The following DSCAML1 variants were observed in gnomAD, a reference collection of about 807,000 sequenced individuals.
DSCAML1 encodes the protein DS cell adhesion molecule like 1, also known as cell adhesion molecule DSCAML1.
In DSCAML1, 38 loss-of-function variants were observed where a neutral mutation model predicts 200.5. The observed-to-expected ratio is 0.19, with a 90% CI of 0.15 to 0.25. DSCAML1 has a LOEUF of 0.25. Ranked by LOEUF, DSCAML1 falls within the 10% of genes least tolerant of loss-of-function variation. The pLI is 1.00. For synonymous variants in DSCAML1, 1,215 were observed against 1,165.0 expected (o/e 1.04, Z -0.87); for missense variants, 2,223 against 2,858.8 (o/e 0.78, Z 5.07).
intron 19 of DSCAML1, among the ~76,000 whole-genome samples, chr11:117,455,604 T>C (rs2048355308): frequency 6.6e-6 from 1 of 152,244 alleles, no homozygotes; most frequent in Non-Finnish European, 1.5e-5. Context: ...CCTGAATTTA[T>C]GTTTGCATTT....
rs1471047718 is a variant in DSCAML1 at position 117,578,242 on chromosome 11, A to G, written c.512-45720T>C. Among the ~76,000 whole-genome samples the G allele has an allele frequency of 9.7e-5, 14 of 144,808 alleles. 1 individual carries two copies. Among genetic ancestry groups the G allele is most frequent in the Non-Finnish European group, 1.7e-4 (11 of 63,956 alleles). 95.0% of individuals were successfully genotyped at this position (144,808 alleles called of 152,430 possible). On this transcript the variant is annotated intron_variant, in intron 3 of 32. Coordinates refer to ENST00000651296, the MANE Select transcript of DSCAML1 (RefSeq NM_020693.4). The stretch of plus-strand genomic sequence containing the variant: ...AAGAGCGAAACTCTGTCTCGAAAAA[A>G]AAAAAAAAAAAAAAGAAGAAAAATC...
chr11:117,669,407 C>G (rs1480610820), intron 3 of DSCAML1, among the ~76,000 whole-genome samples: 1 of 152,234 alleles, frequency 6.6e-6, no homozygotes, highest in Non-Finnish European at 1.5e-5. Flanking sequence ...TCTGCCTGAG[C>G]TGGGTGAGTG....
intron 3 of DSCAML1, among the ~76,000 whole-genome samples, chr11:117,649,437 T>A (rs1435571511): frequency 6.6e-6 from 1 of 152,190 alleles, no homozygotes; most frequent in Non-Finnish European, 1.5e-5. Context: ...CCAGCCCTGA[T>A]AAGTTCCCCG....
At chr11:117,435,596 C>A (rs1222414006) in intron 27 of DSCAML1, 48 bp downstream of exon 27, 3 of 1,546,082 alleles carry the variant, frequency 1.9e-6, no homozygotes, top group South Asian at 1.2e-5. Flanking sequence ...GACAATGTGG[C>A]TGAGAGCCAA....
In DSCAML1 at chr11:117,653,321, A is replaced by G. The variant is rs147447574; in HGVS notation, c.512-120799T>C. Among the ~76,000 whole-genome samples, 405 of 152,280 alleles carry G rather than the reference A, an allele frequency of 2.7e-3. 2 individuals are homozygous for G. Among genetic ancestry groups the G allele is most frequent in the African/African-American group, 9.3e-3 (387 of 41,562 alleles). ...CAGTATTCTGGTTCCAACACTTCAG[A>G]TGATCTCCCGTGGAGGCCAGCACTG... On this transcript the variant is annotated intron_variant, in intron 3 of 32. Transcript: ENST00000651296.
intron 3 of DSCAML1, among the ~76,000 whole-genome samples, chr11:117,650,655 G>C (rs1379900164): frequency 6.7e-6 from 1 of 148,678 alleles, no homozygotes; most frequent in Non-Finnish European, 1.5e-5. Flanking sequence ...TGTTTAAAGT[G>C]TGTGTGTCTA....
At chr11:117,672,102 GAAA>G (rs71037491) in intron 3 of DSCAML1, among the ~76,000 whole-genome samples, 114 of 94,474 alleles carry the variant, frequency 1.2e-3, no homozygotes, top group East Asian at 2.8e-3. Context: ...CTCCAGCTCA[GAAA>G]AAAAAAAAAA....
At chr11:117,541,629 T>G (rs2050270104) in intron 3 of DSCAML1, among the ~76,000 whole-genome samples, 1 of 152,216 alleles carries the variant, frequency 6.6e-6, no homozygotes. Flanking sequence ...GCTTGGGACA[T>G]AAAGCAAGAT....
At chr11:117,770,968 G>A (rs2055027987) in intron 3 of DSCAML1, among the ~76,000 whole-genome samples, 8 of 152,204 alleles carry the variant, frequency 5.3e-5, no homozygotes, top group Admixed American at 5.2e-4. Flanking sequence ...AGCAGGAGAG[G>A]AGAGAAGATG....
At chr11:117,776,718 C>T (rs1201489482) in intron 3 of DSCAML1, 73 bp downstream of exon 3, 5 of 1,566,586 alleles carry the variant, frequency 3.2e-6, no homozygotes, top group Admixed American at 3.4e-5. Flanking sequence ...ACAACCAGCT[C>T]AGGCATCTCT....
chr11:117,686,252 G>C (rs1236255079), intron 3 of DSCAML1, among the ~76,000 whole-genome samples: 1 of 152,222 alleles, frequency 6.6e-6, no homozygotes, highest in East Asian at 1.9e-4. Flanking sequence ...GGGTGTCCCA[G>C]TACTGACCTG....
At chr11:117,446,099 C>T (rs1294059482) in intron 20 of DSCAML1, among the ~76,000 whole-genome samples, 1 of 152,206 alleles carries the variant, frequency 6.6e-6, no homozygotes, top group Admixed American at 6.5e-5. Context: ...CATACTGGCT[C>T]ACATCTGTAA....
At chr11:117,706,030 C>T (rs921725893) in intron 3 of DSCAML1, among the ~76,000 whole-genome samples, 11 of 152,084 alleles carry the variant, frequency 7.2e-5, no homozygotes, top group African/African-American at 2.4e-4. Context: ...TTCCTCTGTC[C>T]GAGACAGCTG....
chr11:117,624,821 G>T (rs1465345344), intron 3 of DSCAML1, among the ~76,000 whole-genome samples: 1 of 152,202 alleles, frequency 6.6e-6, no homozygotes, highest in Admixed American at 6.5e-5. Flanking sequence ...ATCTAGCAAA[G>T]ATTTCTCTGG....
At position 117,431,849 on chromosome 11, in the gene DSCAML1, G is replaced by A. The variant is rs142206388; in HGVS notation, c.5180-121C>T. On this transcript the variant is annotated intron_variant, in intron 30 of 32. Coordinates refer to ENST00000651296, the MANE Select transcript of DSCAML1 (RefSeq NM_020693.4). ...AAGAGGCAGATGCAGCCACAGAAGC[G>A]CCCTTGGGAATGCTGCCTTTCCTAA... 221 of 960,952 alleles carry A rather than the reference G, an allele frequency of 2.3e-4. No homozygotes were observed. In the East Asian group the frequency reaches 5.6e-3, roughly 24 times the overall value. The allele number at this position is 960,952 out of a possible 1,614,324, so 59.5% of individuals were successfully genotyped here.
At chr11:117,809,421 C>T (rs1329687539) in intron 1 of DSCAML1, among the ~76,000 whole-genome samples, 3 of 152,266 alleles carry the variant, frequency 2.0e-5, no homozygotes, top group Admixed American at 2.0e-4. Flanking sequence ...CTGGATGTGT[C>T]TCTGCGGTCC....
chr11:117,732,126 TC>T (rs2054232207), intron 3 of DSCAML1, among the ~76,000 whole-genome samples: 1 of 152,326 alleles, frequency 6.6e-6, no homozygotes, highest in African/African-American at 2.4e-5. Flanking sequence ...AACAGCAGAC[TC>T]CTGAAGACTG....
intron 1 of DSCAML1, among the ~76,000 whole-genome samples, chr11:117,782,103 C>T (rs1190350074): frequency 6.6e-6 from 1 of 152,204 alleles, no homozygotes; most frequent in African/African-American, 2.4e-5. Context: ...CACTCTGCTG[C>T]TTGTTTAAAG....
intron 3 of DSCAML1, among the ~76,000 whole-genome samples, chr11:117,599,807 C>A (rs74334348): frequency 6.6e-6 from 1 of 152,184 alleles, no homozygotes; most frequent in African/African-American, 2.4e-5. Context: ...TCAATAGCGA[C>A]GCACGCTTAC....
Sources: gnomAD v4.1 joint callset for allele counts (sites outside exome capture counted in the v4.1 genomes callset) on GRCh38, gnomAD v4.1.1 for gene constraint, MANE v1.5 for transcripts, NCBI Gene and HGNC (gene_info 2026-07-23, HGNC 2026-07-21) for gene names.